L3MBTL1: variants seen among roughly 807,000 people sequenced by gnomAD.
L3MBTL1 encodes the protein L3MBTL histone methyl-lysine binding protein 1.
A neutral mutation model predicts 105.3 loss-of-function variants in L3MBTL1; 75 were observed. The observed-to-expected ratio is 0.71, with a 90% CI of 0.59 to 0.86. The LOEUF (loss-of-function observed/expected upper bound fraction) is 0.86, where lower values mean the gene tolerates loss of function less well. L3MBTL1 is among the 40% of genes least tolerant of loss of function. The probability of loss-of-function intolerance (pLI) is 0.00; values close to 1 mark genes in which losing one functional copy is unlikely to be tolerated. For synonymous variants in L3MBTL1, 452 were observed against 436.2 expected, an observed-to-expected ratio of 1.04 and a Z score of -0.45; for missense variants, 1,069 against 1,126.4, an observed-to-expected ratio of 0.95 and a Z score of 0.73.
chr20:43,541,794 A>G lies in L3MBTL1; in HGVS notation c.*666A>G. 1 of 981,556 alleles carries G rather than the reference A, an allele frequency of 1.0e-6. No homozygotes were observed. The allele number at this position is 981,556 out of a possible 1,614,324, so 60.8% of individuals were successfully genotyped here. On this transcript the variant is annotated 3_prime_UTR_variant, in exon 22 of 22. Transcript: ENST00000418998. ...GCATATGGCTGTGTATCACTAGTAT[A>G]TAATAGAGCAATATTATGGAGGAAT...
chr20:43,512,834 C>T (rs1270082311), intron 1 of L3MBTL1, among the ~76,000 whole-genome samples: 1 of 152,214 alleles, frequency 6.6e-6, no homozygotes, highest in Non-Finnish European at 1.5e-5. Context: ...GTTATTAAAA[C>T]AAAATCACGT....
intron 7 of L3MBTL1, among the ~76,000 whole-genome samples, chr20:43,523,992 C>CAA (rs577732076): frequency 4.3e-4 from 36 of 83,028 alleles, no homozygotes; most frequent in Middle Eastern, 6.5e-3. Context: ...GACTCCATCT[C>CAA]AAAAAAAAAA....
chr20:43,549,732 G>GTGTGTGTGTGTGCA (rs1210818566), exon 19 of L3MBTL1: 1 of 37,662 alleles, frequency 2.7e-5, no homozygotes, highest in African/African-American at 1.6e-4. Context: ...GTGTGTGCAT[G>GTGTGTGTGTGTGCA]TGTGTGTGTG....
chr20:43,546,516 G>A (rs1239096293), downstream of L3MBTL1, among the ~76,000 whole-genome samples: 2 of 152,160 alleles, frequency 1.3e-5, no homozygotes, highest in African/African-American at 4.8e-5. Context: ...TACACAACAG[G>A]TGCTTAGGAG....
chr20:43,528,596 C>G lies in L3MBTL1; in HGVS notation c.863-61C>G, dbSNP rs116267955. 1.0e-3 allele frequency: 1,288 copies of G among 1,280,724 alleles called. 11 individuals are homozygous for G. In the African/African-American group the frequency reaches 0.015, roughly 15 times the overall value. The allele number at this position is 1,280,724 out of a possible 1,614,324, so 79.3% of individuals were successfully genotyped here. A position where few individuals can be genotyped will look rare whatever the true frequency, so the allele number is the denominator to read the frequency against. On this transcript the variant is annotated intron_variant, in intron 7 of 21. Transcript: ENST00000418998. ...GAAGGTAGAGCTTGGTCAGGGGAAGCCGAAGAAAGTCATATATCAGGAACA... is the reference window on the plus strand; with the variant it reads ...GAAGGTAGAGCTTGGTCAGGGGAAGGCGAAGAAAGTCATATATCAGGAACA...
downstream of L3MBTL1, among the ~76,000 whole-genome samples, chr20:43,544,872 A>G (rs879564040): frequency 6.6e-6 from 1 of 152,180 alleles, no homozygotes; most frequent in African/African-American, 2.4e-5. Context: ...AGGCTGTGGC[A>G]TGAGAATCGC....
rs531442901 is a variant in L3MBTL1 at position 43,510,811 on chromosome 20, G to A, written c.-28-2665G>A. ...TGGCTCACTGCAGCCTTGACCTCCC[G>A]GGCTCAAGCAATCCTCCTGCCTCAG... is the stretch of plus-strand genomic sequence containing the variant. On this transcript the variant is annotated intron_variant, in intron 1 of 21. Coordinates refer to ENST00000418998, the MANE Select transcript of L3MBTL1 (RefSeq NM_001377303.1). Among the ~76,000 whole-genome samples the A allele has an allele frequency of 4.6e-5, 7 of 151,696 alleles. No individual in the cohort carries two copies. The South Asian group carries it at 6.3e-4, about 14-fold the overall frequency.
exon 19 of L3MBTL1, chr20:43,550,727 C>CA (rs1568646989): frequency 6.6e-6 from 1 of 152,232 alleles, no homozygotes; most frequent in Admixed American, 6.5e-5. Flanking sequence ...AGAATGATCT[C>CA]AGAGTTTGCA....
intron 4 of L3MBTL1, 30 bp downstream of exon 4, chr20:43,514,806 T>C (rs1225418027): frequency 1.3e-6 from 2 of 1,523,664 alleles, no homozygotes; most frequent in South Asian, 1.2e-5. Context: ...GGCCCTGAGC[T>C]GGGCCCTGTG....
intron 12 of L3MBTL1, among the ~76,000 whole-genome samples, chr20:43,533,140 C>T (rs553053053): frequency 1.3e-5 from 2 of 152,170 alleles, no homozygotes; most frequent in African/African-American, 2.4e-5. Flanking sequence ...GAGCAAGCCC[C>T]TATGATTCAT....
intron 17 of L3MBTL1, 59 bp from the exon 18 acceptor site, chr20:43,536,038 T>C (rs1166143034): frequency 6.2e-7 from 1 of 1,603,136 alleles, no homozygotes; most frequent in Non-Finnish European, 8.5e-7. Flanking sequence ...GGACCAGGGC[T>C]GAGGAGGGCT....
rs2019902172 is a variant in L3MBTL1, at chr20:43,541,251, G to A, written c.*123G>A. The A allele has an allele frequency of 2.7e-6, 4 of 1,477,354 alleles. No homozygotes were observed. Among genetic ancestry groups the A allele is most frequent in the Admixed American group, 2.4e-5 (1 of 42,066 alleles). The allele number at this position is 1,477,354 out of a possible 1,614,324, so 91.5% of individuals were successfully genotyped here. A position where few individuals can be genotyped will look rare whatever the true frequency, so the allele number is the denominator to read the frequency against. Reference sequence around the variant, plus strand: ...ACTTAAAATCAAGAGCCAAGGAGTAGTGAGTTGTAGATAAAAAAAGAATGT... The same window carrying A: ...ACTTAAAATCAAGAGCCAAGGAGTAATGAGTTGTAGATAAAAAAAGAATGT... On this transcript the variant is annotated 3_prime_UTR_variant, in exon 22 of 22. Transcript: ENST00000418998.
chr20:43,514,737 G>A lies in L3MBTL1; in HGVS notation c.463G>A (p.Ala155Thr). The change falls in exon 4 of 22, where the codon GCC (alanine) becomes ACC (threonine). Residue 155 changes from alanine to threonine, a missense_variant. By Grantham distance (58) the Ala-to-Thr change is moderately conservative (BLOSUM62 0). Coordinates refer to ENST00000418998, the MANE Select transcript of L3MBTL1 (RefSeq NM_001377303.1). Reference protein sequence around the residue: ...EGVTEYEDGGAPAGDGEAGPQ... With the variant: ...EGVTEYEDGGTPAGDGEAGPQ... Reference sequence around the variant, plus strand: ...CGTGACCGAATACGAAGATGGCGGGGCCCCGGCGGGAGATGGCGAGGCGGG... The same window carrying A: ...CGTGACCGAATACGAAGATGGCGGGACCCCGGCGGGAGATGGCGAGGCGGG... 2 of 1,569,712 alleles carry A rather than the reference G, an allele frequency of 1.3e-6. No individual in the cohort carries two copies. Among genetic ancestry groups the A allele is most frequent in the Admixed American group, 1.9e-5 (1 of 52,284 alleles).
chr20:43,521,345 T>A (rs2018694698), intron 7 of L3MBTL1, among the ~76,000 whole-genome samples: 1 of 152,252 alleles, frequency 6.6e-6, no homozygotes, highest in Non-Finnish European at 1.5e-5. Flanking sequence ...ATTAATTTTT[T>A]AATTATCTAT....
intron 9 of L3MBTL1, 138 bp downstream of exon 9, chr20:43,529,506 A>G: frequency 1.5e-6 from 1 of 678,938 alleles, no homozygotes; most frequent in South Asian, 1.8e-5. Flanking sequence ...TGGAATACAT[A>G]GAAAGCTTAA....
chr20:43,545,892 C>A (rs1978566035), downstream of L3MBTL1, among the ~76,000 whole-genome samples: 1 of 152,212 alleles, frequency 6.6e-6, no homozygotes, highest in Non-Finnish European at 1.5e-5. Context: ...TTCCCCCACT[C>A]TGTCCTGCCT....
At chr20:43,515,489 A>G (rs1031406271) in intron 6 of L3MBTL1, 74 bp downstream of exon 6, 27 of 1,499,816 alleles carry the variant, frequency 1.8e-5, no homozygotes, top group Admixed American at 4.2e-5. Flanking sequence ...CCCTCCATCA[A>G]TCCAGATTAT....
At chr20:43,517,246 A>G (rs1487453745) in intron 7 of L3MBTL1, among the ~76,000 whole-genome samples, 1 of 151,552 alleles carries the variant, frequency 6.6e-6, no homozygotes, top group African/African-American at 2.4e-5. Flanking sequence ...CTACAGGCAC[A>G]TGCCACCACA....
At chr20:43,523,468 C>T in intron 7 of L3MBTL1, 1 of 245,132 alleles carries the variant, frequency 4.1e-6, no homozygotes, top group Admixed American at 3.9e-5. Context: ...GAATAGCATT[C>T]TACCTGCTTT....
Sources: allele counts gnomAD v4.1 joint callset (sites outside exome capture counted in the v4.1 genomes callset), GRCh38; gene constraint gnomAD v4.1.1; transcripts MANE v1.5; gene names NCBI Gene and HGNC (gene_info 2026-07-23, HGNC 2026-07-21).